The following VPS13B variants were observed in gnomAD, a reference collection of about 807,000 sequenced individuals.
The protein encoded by VPS13B is vacuolar protein sorting 13 homolog B, also known as intermembrane lipid transfer protein VPS13B.
VPS13B carries 285 observed loss-of-function variants against 426.4 expected under a neutral mutation model. The ratio of observed to expected loss-of-function variants is 0.67; its 90% CI spans 0.61 to 0.74. The LOEUF is 0.74. Ranked by LOEUF, VPS13B falls within the 30% of genes least tolerant of loss-of-function variation. The pLI is 0.00. For missense variants in VPS13B, 4,537 were observed against 4,782.6 expected (o/e 0.95, Z 1.51); for synonymous variants, 1,676 against 1,676.4 (o/e 1.00, Z 0.01).
intron 33 of VPS13B, among the ~76,000 whole-genome samples, chr8:99,581,321 A>G (rs1826050043): frequency 6.6e-6 from 1 of 152,216 alleles, no homozygotes; most frequent in South Asian, 2.1e-4. Context: ...TCTTGCCAGA[A>G]CCAATATTTA....
rs375718385 is a variant in VPS13B at position 99,043,194 on chromosome 8, A to G, written c.291+4628A>G. ...TGTTTACATTTAGATAGGATTTTTT[A>G]TTTACTGGATGGTCATTTGATCTGG... On this transcript the variant is annotated intron_variant, in intron 3 of 61. Coordinates refer to ENST00000357162, the MANE Select transcript of VPS13B (RefSeq NM_152564.5). Among the ~76,000 whole-genome samples, 28 of 150,872 alleles carry G rather than the reference A, an allele frequency of 1.9e-4. 1 individual carries two copies. In the East Asian group the frequency reaches 4.7e-3, roughly 25 times the overall value.
At chr8:99,586,508 T>G (rs1826306852) in intron 33 of VPS13B, among the ~76,000 whole-genome samples, 1 of 152,104 alleles carries the variant, frequency 6.6e-6, no homozygotes, top group Non-Finnish European at 1.5e-5. Context: ...TCTTAATGAG[T>G]CTTACTGTCT....
chr8:99,575,868 C>A, intron 32 of VPS13B, 84 bp downstream of exon 32: 1 of 1,403,244 alleles, frequency 7.1e-7, no homozygotes. Flanking sequence ...CAGTTTCAGC[C>A]CATAGGACTT....
intron 4 of VPS13B, among the ~76,000 whole-genome samples, chr8:99,097,563 G>A (rs1483211373): frequency 6.6e-6 from 1 of 152,060 alleles, no homozygotes; most frequent in East Asian, 1.9e-4. Flanking sequence ...CTAAAAGGAG[G>A]GAGTTGTCAT....
intron 30 of VPS13B, among the ~76,000 whole-genome samples, chr8:99,548,994 T>C (rs1464706837): frequency 6.6e-6 from 1 of 152,242 alleles, no homozygotes; most frequent in South Asian, 2.1e-4. Context: ...GGTCTACCTT[T>C]ATAATTTGTA....
At chr8:99,447,084 A>G (rs1476419080) in intron 23 of VPS13B, among the ~76,000 whole-genome samples, 2 of 152,072 alleles carry the variant, frequency 1.3e-5, no homozygotes, top group Admixed American at 1.3e-4. Flanking sequence ...TACTATACCT[A>G]ATATTCCTTG....
chr8:99,384,463 C>T (rs191215635), intron 20 of VPS13B, 146 bp downstream of exon 20: 6 of 684,322 alleles, frequency 8.8e-6, no homozygotes, highest in African/African-American at 5.4e-5. Flanking sequence ...CAAACAATTC[C>T]GTTCCCTTAT....
intron 3 of VPS13B, among the ~76,000 whole-genome samples, chr8:99,059,115 A>G (rs1844041146): frequency 6.6e-6 from 1 of 152,190 alleles, no homozygotes; most frequent in Non-Finnish European, 1.5e-5. Context: ...TTAGTGATAC[A>G]GACAAAAACT....
chr8:99,783,194 C>T (rs771159286), intron 42 of VPS13B, among the ~76,000 whole-genome samples: 6 of 152,146 alleles, frequency 3.9e-5, no homozygotes, highest in Non-Finnish European at 7.4e-5. Flanking sequence ...TTCATGCCTC[C>T]TCCGTACTTG....
At chr8:99,873,309 C>A (rs117821861) in intron 61 of VPS13B, 2 of 152,090 alleles carry the variant, frequency 1.3e-5, no homozygotes, top group African/African-American at 2.4e-5. Context: ...AGGAAACAGA[C>A]CTCAGTTTCC....
chr8:99,506,750 G>A (rs976869938), intron 27 of VPS13B, among the ~76,000 whole-genome samples: 3 of 152,188 alleles, frequency 2.0e-5, no homozygotes, highest in African/African-American at 7.2e-5. Flanking sequence ...CCAGCTGCTG[G>A]GGAGGCTAAG....
chr8:99,704,860 A>C (rs1354108854), intron 36 of VPS13B, among the ~76,000 whole-genome samples: 1 of 152,182 alleles, frequency 6.6e-6, no homozygotes, highest in Non-Finnish European at 1.5e-5. Context: ...CCACAAGCGC[A>C]AAAGAAAGAG....
intron 58 of VPS13B, among the ~76,000 whole-genome samples, chr8:99,862,324 T>C (rs1032716666): frequency 1.3e-5 from 2 of 152,222 alleles, no homozygotes; most frequent in African/African-American, 4.8e-5. Flanking sequence ...CCACACATGC[T>C]GAGCCGCTTC....
intron 17 of VPS13B, among the ~76,000 whole-genome samples, chr8:99,239,339 G>A (rs1484930417): frequency 2.6e-5 from 4 of 152,008 alleles, no homozygotes; most frequent in Admixed American, 6.6e-5. Context: ...ATTTCACCTA[G>A]AATTGACAAA....
chr8:99,669,543 A>G (rs75738255), intron 35 of VPS13B, among the ~76,000 whole-genome samples: 4,857 of 152,316 alleles, frequency 0.032, 82 homozygotes, highest in Middle Eastern at 0.082. Flanking sequence ...CATATAATTT[A>G]AATAACATGG....
intron 33 of VPS13B, among the ~76,000 whole-genome samples, chr8:99,605,417 A>G (rs1827521719): frequency 6.6e-6 from 1 of 152,210 alleles, no homozygotes; most frequent in Non-Finnish European, 1.5e-5. Context: ...GTAAAAAAAA[A>G]TGAGTCTAAA....
intron 35 of VPS13B, among the ~76,000 whole-genome samples, chr8:99,698,831 T>A (rs1476713126): frequency 6.6e-6 from 1 of 152,196 alleles, no homozygotes; most frequent in Non-Finnish European, 1.5e-5. Context: ...TACAGCTAGT[T>A]TTCATGTCAG....
At chr8:99,238,400 C>G (rs1020953026) in intron 17 of VPS13B, among the ~76,000 whole-genome samples, 4 of 152,098 alleles carry the variant, frequency 2.6e-5, no homozygotes, top group African/African-American at 9.7e-5. Context: ...TTAGTCCACT[C>G]TGGGGGGATT....
At chr8:99,103,153 C>T in intron 5 of VPS13B, 33 bp downstream of exon 5, 2 of 1,611,044 alleles carry the variant, frequency 1.2e-6, no homozygotes, top group South Asian at 2.2e-5. Context: ...GTATATTTTT[C>T]CATAATTGAA....
Sources: gnomAD v4.1 joint callset for allele counts (sites outside exome capture counted in the v4.1 genomes callset) on GRCh38, gnomAD v4.1.1 for gene constraint, MANE v1.5 for transcripts, NCBI Gene and HGNC (gene_info 2026-07-23, HGNC 2026-07-21) for gene names.